IRAK3: variants seen among roughly 807,000 people sequenced by gnomAD.
The protein encoded by IRAK3 is interleukin-1 receptor-associated kinase 3.
IRAK3 carries 57 observed loss-of-function variants against 56.6 expected under a neutral mutation model. That is an observed-to-expected ratio of 1.01 (90% CI 0.81 to 1.26). The LOEUF is 1.26. Among genes scored for constraint, IRAK3 ranks in the 50% most tolerant of loss-of-function variants. The probability of loss-of-function intolerance (pLI) is 0.00; values close to 1 mark genes in which losing one functional copy is unlikely to be tolerated. For synonymous variants in IRAK3, 258 were observed against 255.7 expected (o/e 1.01, Z -0.09); for missense variants, 703 against 719.0 (o/e 0.98, Z 0.25).
intron 3 of IRAK3, 140 bp from the exon 4 acceptor site, chr12:66,210,007 G>C (rs1312319650): frequency 1.6e-6 from 1 of 617,246 alleles, no homozygotes; most frequent in Non-Finnish European, 2.9e-6. Flanking sequence ...AAATAACTTT[G>C]ATTTCTGCTA....
rs375000825 is a variant in IRAK3, at chr12:66,238,544, G to A, written c.888-5942G>A. ...CTGGGATTAATGGAAGCATGTTGGC[G>A]TCATCAGCAGAGACAGGGAAATTGG... On this transcript the variant is annotated intron_variant, in intron 8 of 11. Transcript: ENST00000261233. 3.7e-4 allele frequency among the ~76,000 whole-genome samples: 56 copies of A among 152,256 alleles called. 3 individuals are homozygous for A. In the South Asian group the frequency reaches 4.4e-3, roughly 12 times the overall value.
intron 11 of IRAK3, 107 bp from the exon 12 acceptor site, chr12:66,247,588 C>T: frequency 1.3e-6 from 1 of 775,730 alleles, no homozygotes; most frequent in Non-Finnish European, 2.2e-6. Context: ...TATAGCTGAA[C>T]TAATTTCATG....
intron 8 of IRAK3, among the ~76,000 whole-genome samples, chr12:66,240,320 G>T (rs1220422201): frequency 3.3e-5 from 5 of 152,162 alleles, no homozygotes; most frequent in African/African-American, 1.2e-4. Flanking sequence ...CCATTACTGG[G>T]CCTTTGCACC....
At chr12:66,192,718 A>G (rs934990920) in intron 1 of IRAK3, among the ~76,000 whole-genome samples, 2 of 151,460 alleles carry the variant, frequency 1.3e-5, no homozygotes, top group African/African-American at 4.9e-5. Flanking sequence ...AATAGTAGTA[A>G]TAATAATAAA....
rs766817443 is a variant in IRAK3 at position 66,247,884 on chromosome 12, A to C, written c.1504A>C (p.Thr502Pro). 6.2e-7 allele frequency: 1 copy of C among 1,614,084 alleles called. No homozygotes were observed. ...TGAAGGCCTGAGGATAGACAGAATG[A>C]CTCAGAAAACTCCTTTTGAATGCAG... Reference protein sequence around the residue: ...SDEGLRIDRMTQKTPFECSQS... With the variant: ...SDEGLRIDRMPQKTPFECSQS... The change falls in exon 12 of 12, where the codon ACT becomes CCT. Residue 502 changes from threonine to proline, a missense_variant. By Grantham distance (38) the Thr-to-Pro change is conservative (BLOSUM62 -1). Coordinates refer to ENST00000261233, the MANE Select transcript of IRAK3 (RefSeq NM_007199.3).
At chr12:66,234,120 C>T (rs184731318) in intron 8 of IRAK3, 7 of 1,614,170 alleles carry the variant, frequency 4.3e-6, no homozygotes, top group African/African-American at 2.7e-5. Flanking sequence ...TTAGACGTCT[C>T]GACAGCCACC....
At position 66,211,550 on chromosome 12, in the gene IRAK3, A is replaced by G. The variant is rs2052612096; in HGVS notation, c.541A>G (p.Arg181Gly). 1.2e-6 allele frequency: 2 copies of G among 1,612,154 alleles called. No homozygotes were observed. The highest frequency in any genetic ancestry group is 1.7e-6 in the Non-Finnish European group (2 of 1,178,256). Residue 181 changes from arginine (R) to glycine (G), a missense_variant, in exon 5 of 12, where the codon AGA becomes GGA. Physicochemically the swap from Arg to Gly is moderately radical, Grantham distance 125. Coordinates refer to ENST00000261233, the MANE Select transcript of IRAK3 (RefSeq NM_007199.3). ...IGEGEIFEVYRVEIQNLTYAV... is the reference protein window; with the variant it reads ...IGEGEIFEVYGVEIQNLTYAV... ...AGAAGGAGAGATTTTTGAGGTATAC[A>G]GAGTGGAGATTCAAAACCTAACATA... is the stretch of plus-strand genomic sequence containing the variant.
In IRAK3 at chr12:66,244,581, T is replaced by A; in HGVS notation, c.983T>A (p.Ile328Lys). 3.1e-6 allele frequency: 5 copies of A among 1,613,996 alleles called. No individual in the cohort carries two copies. Among genetic ancestry groups the A allele is most frequent in the Non-Finnish European group, 4.2e-6 (5 of 1,179,892 alleles). Residue 328 changes from isoleucine to lysine, a missense_variant, in exon 9 of 12, where the codon ATA (isoleucine) becomes AAA (lysine). Physicochemically the swap from Ile to Lys is moderately radical, Grantham distance 102. Coordinates refer to ENST00000261233, the MANE Select transcript of IRAK3 (RefSeq NM_007199.3). ...CACCTAGAACATCAGAGTTGTACCA[T>A]AAATATGACCAGCAGCAGCAGTAAA... The part of the protein sequence containing the change: ...RSHLEHQSCT[I>K]NMTSSSSKHL...
At chr12:66,203,577 TTCAAAA>T in intron 1 of IRAK3, 128 bp from the exon 2 acceptor site, 1 of 832,554 alleles carries the variant, frequency 1.2e-6, no homozygotes, top group South Asian at 1.5e-5. Flanking sequence ...TCCAAATTAG[TTCAAAA>T]TAAAAGTTAT....
chr12:66,234,495 G>T, intron 8 of IRAK3: 1 of 1,611,832 alleles, frequency 6.2e-7, no homozygotes. Flanking sequence ...AATCCGTTTT[G>T]TATAGCAGCT....
intron 6 of IRAK3, among the ~76,000 whole-genome samples, chr12:66,224,019 C>T (rs571798932): frequency 3.3e-5 from 5 of 152,158 alleles, no homozygotes; most frequent in East Asian, 1.9e-4. Flanking sequence ...AAAATTCTAT[C>T]GGCATTTTTA....
chr12:66,226,617 C>A, intron 6 of IRAK3, 106 bp from the exon 7 acceptor site: 1 of 732,468 alleles, frequency 1.4e-6, no homozygotes, highest in Non-Finnish European at 2.5e-6. Flanking sequence ...TTATATTCCG[C>A]TTTAGGCCTA....
rs1396678597 is a variant in IRAK3, at chr12:66,250,878, C to T, written c.*2707C>T. The T allele has an allele frequency of 1.3e-5, 2 of 152,192 alleles. No individual in the cohort carries two copies. Among genetic ancestry groups the T allele is most frequent in the African/African-American group, 4.8e-5 (2 of 41,446 alleles). 9.4% of individuals were successfully genotyped at this position (152,192 alleles called of 1,614,324 possible). A position where few individuals can be genotyped will look rare whatever the true frequency, so the allele number is the denominator to read the frequency against. On this transcript the variant is annotated 3_prime_UTR_variant, in exon 12 of 12. Transcript: ENST00000261233. Reference sequence around the variant, plus strand: ...AATAGGTCTGGGGTTAGAAATTTTGCTTTCTAATGAGTTCCCAGGTGATGC... The same window carrying T: ...AATAGGTCTGGGGTTAGAAATTTTGTTTTCTAATGAGTTCCCAGGTGATGC...
At chr12:66,235,918 A>G (rs1037123775) in intron 8 of IRAK3, among the ~76,000 whole-genome samples, 9 of 152,188 alleles carry the variant, frequency 5.9e-5, no homozygotes, top group Admixed American at 5.2e-4. Context: ...ATAACATAAA[A>G]TTTATTAGAC....
At chr12:66,232,088 A>G (rs1464337575) in intron 8 of IRAK3, among the ~76,000 whole-genome samples, 1 of 152,242 alleles carries the variant, frequency 6.6e-6, no homozygotes, top group Admixed American at 6.5e-5. Flanking sequence ...CAGAGTACCC[A>G]GAGAGATCTG....
At chr12:66,190,473 G>C (rs977650657) in intron 1 of IRAK3, among the ~76,000 whole-genome samples, 3 of 152,104 alleles carry the variant, frequency 2.0e-5, no homozygotes, top group Non-Finnish European at 4.4e-5. Flanking sequence ...TTCCCCATCA[G>C]ATCTTTTTGA....
chr12:66,227,602 T>TAAATAAAC (rs1205633283), intron 7 of IRAK3, among the ~76,000 whole-genome samples: 83 of 150,858 alleles, frequency 5.5e-4, no homozygotes, highest in African/African-American at 1.8e-3. Context: ...AATAAATAAA[T>TAAATAAAC]AAACAAACAA....
intron 8 of IRAK3, 61 bp from the exon 9 acceptor site, chr12:66,244,425 T>C (rs1287488114): frequency 8.0e-7 from 1 of 1,248,796 alleles, no homozygotes; most frequent in Non-Finnish European, 1.2e-6. Flanking sequence ...TATAGTATGT[T>C]TGTTTACACT....
chr12:66,208,344 AACAC>A (rs944925616), intron 2 of IRAK3, among the ~76,000 whole-genome samples: 9 of 115,304 alleles, frequency 7.8e-5, no homozygotes, highest in East Asian at 1.1e-3. Flanking sequence ...CACACACACA[AACAC>A]ACACACACGC....
Sources: gnomAD v4.1 joint callset for allele counts (sites outside exome capture counted in the v4.1 genomes callset) on GRCh38, gnomAD v4.1.1 for gene constraint, MANE v1.5 for transcripts, NCBI Gene and HGNC (gene_info 2026-07-23, HGNC 2026-07-21) for gene names.